CAMK4: variants seen among roughly 807,000 people sequenced by gnomAD.
The protein encoded by CAMK4 is calcium/calmodulin-dependent protein kinase type IV.
CAMK4 carries 22 observed loss-of-function variants against 44.9 expected under a neutral mutation model. That is an observed-to-expected ratio of 0.49 (90% confidence interval 0.35 to 0.70). The LOEUF is 0.70. CAMK4 is among the 30% of genes least tolerant of loss of function. The pLI is 0.01. For missense variants in CAMK4, 498 were observed against 586.8 expected (o/e 0.85, Z 1.56); for synonymous variants, 218 against 215.4 (o/e 1.01, Z -0.11).
chr5:111,249,150 C>T (rs1371147418), intron 1 of CAMK4, among the ~76,000 whole-genome samples: 1 of 152,138 alleles, frequency 6.6e-6, no homozygotes, highest in Non-Finnish European at 1.5e-5. Flanking sequence ...TGTGTGCAAG[C>T]ATGAAAAAGT....
At chr5:111,317,540 C>G (rs1266594166) in intron 1 of CAMK4, among the ~76,000 whole-genome samples, 1 of 152,060 alleles carries the variant, frequency 6.6e-6, no homozygotes, top group East Asian at 1.9e-4. Context: ...GTAACACAAA[C>G]TTCTATTTTT....
chr5:111,237,626 A>G (rs1748787817), intron 1 of CAMK4, among the ~76,000 whole-genome samples: 1 of 152,230 alleles, frequency 6.6e-6, no homozygotes, highest in Non-Finnish European at 1.5e-5. Context: ...CAAGATTTAG[A>G]AGAAAGTATG....
chr5:111,257,620 A>G (rs1308141748), intron 1 of CAMK4, among the ~76,000 whole-genome samples: 1 of 152,212 alleles, frequency 6.6e-6, no homozygotes, highest in Non-Finnish European at 1.5e-5. Flanking sequence ...CAGAAATACC[A>G]TTAGACTCAG....
intron 1 of CAMK4, among the ~76,000 whole-genome samples, chr5:111,244,847 C>G (rs570175992): frequency 6.6e-6 from 1 of 151,760 alleles, no homozygotes; most frequent in Non-Finnish European, 1.5e-5. Flanking sequence ...GGTGACAGAG[C>G]GAGATTCTGT....
At chr5:111,362,429 A>G (rs1000121886) in intron 2 of CAMK4, among the ~76,000 whole-genome samples, 11 of 134,486 alleles carry the variant, frequency 8.2e-5, no homozygotes, top group Non-Finnish European at 1.4e-4. Context: ...AATTTTTATT[A>G]TGTTTTTGTG....
intron 7 of CAMK4, among the ~76,000 whole-genome samples, chr5:111,472,397 A>G (rs1755096429): frequency 1.3e-5 from 2 of 152,196 alleles, no homozygotes; most frequent in Admixed American, 6.5e-5. Flanking sequence ...ACTTGTGTTC[A>G]AAATCAAGAA....
chr5:111,278,249 G>A (rs1039315521), intron 1 of CAMK4, among the ~76,000 whole-genome samples: 3 of 152,186 alleles, frequency 2.0e-5, no homozygotes, highest in Non-Finnish European at 4.4e-5. Context: ...TCACTGCATA[G>A]CCCTGGACAC....
intron 1 of CAMK4, among the ~76,000 whole-genome samples, chr5:111,280,168 C>T (rs1156620151): frequency 6.6e-6 from 1 of 151,898 alleles, no homozygotes; most frequent in Non-Finnish European, 1.5e-5. Flanking sequence ...TAAGAATATT[C>T]CCCAGGCATC....
chr5:111,296,937 G>A (rs767566823), intron 1 of CAMK4, among the ~76,000 whole-genome samples: 6 of 152,164 alleles, frequency 3.9e-5, no homozygotes, highest in Non-Finnish European at 8.8e-5. Context: ...TTTATGCACC[G>A]AAATTGATGT....
chr5:111,313,123 G>T (rs182518241), intron 1 of CAMK4, among the ~76,000 whole-genome samples: 1 of 152,002 alleles, frequency 6.6e-6, no homozygotes, highest in South Asian at 2.1e-4. Context: ...AGCACTGCTC[G>T]CATTTTGGAG....
intron 5 of CAMK4, among the ~76,000 whole-genome samples, chr5:111,442,004 G>A (rs1286245459): frequency 6.6e-6 from 1 of 152,158 alleles, no homozygotes; most frequent in African/African-American, 2.4e-5. Context: ...GATATTAGAA[G>A]TGTGTATTTC....
At chr5:111,368,365 T>C (rs936071224) in intron 2 of CAMK4, among the ~76,000 whole-genome samples, 8 of 152,126 alleles carry the variant, frequency 5.3e-5, no homozygotes, top group Admixed American at 5.2e-4. Flanking sequence ...TGAGTGGTAA[T>C]GTGAGAGCTC....
At chr5:111,445,987 C>T (rs1011282581) in intron 5 of CAMK4, among the ~76,000 whole-genome samples, 14 of 152,290 alleles carry the variant, frequency 9.2e-5, no homozygotes, top group African/African-American at 3.1e-4. Flanking sequence ...AGGACTTCAG[C>T]ATTTACAATG....
In CAMK4 at chr5:111,484,759, G is replaced by A. The variant is rs1304960931; in HGVS notation, c.*293G>A. On this transcript the variant is annotated 3_prime_UTR_variant, in exon 11 of 11. Transcript: ENST00000282356. The surrounding 1 kb of genome is among the most constrained non-coding windows in gnomAD (Gnocchi z 5.3). ...TTTCAGCAACCAGTGGCACATATTT[G>A]AAGTGAATAGTAGCAAATTGTTTTT... 1 of 252,112 alleles carries A rather than the reference G, an allele frequency of 4.0e-6. No homozygotes were observed. Among genetic ancestry groups the A allele is most frequent in the Non-Finnish European group, 7.5e-6 (1 of 134,016 alleles). 15.6% of individuals were successfully genotyped at this position (252,112 alleles called of 1,614,324 possible).
chr5:111,392,129 A>C (rs2112856270), intron 4 of CAMK4, among the ~76,000 whole-genome samples: 1 of 152,278 alleles, frequency 6.6e-6, no homozygotes, highest in East Asian at 1.9e-4. Flanking sequence ...CTAGTGTATT[A>C]GTCTGTTCTC....
At chr5:111,423,360 A>G (rs1025428287) in intron 5 of CAMK4, among the ~76,000 whole-genome samples, 1 of 152,230 alleles carries the variant, frequency 6.6e-6, no homozygotes, top group Non-Finnish European at 1.5e-5. Context: ...GGAAAATCTA[A>G]GTTGAAAACA....
chr5:111,376,987 G>GCCAC (rs1308821063), intron 4 of CAMK4, 45 bp downstream of exon 4: 1 of 1,251,042 alleles, frequency 8.0e-7, no homozygotes, highest in African/African-American at 1.5e-5. Flanking sequence ...TTTGCTTTTG[G>GCCAC]CCACCAAAAA....
At chr5:111,366,136 T>C (rs549681296) in intron 2 of CAMK4, among the ~76,000 whole-genome samples, 2 of 152,310 alleles carry the variant, frequency 1.3e-5, no homozygotes, top group African/African-American at 4.8e-5. Flanking sequence ...TATATTGTGC[T>C]TGTTTCCATA....
intron 1 of CAMK4, among the ~76,000 whole-genome samples, chr5:111,299,120 G>A (rs1473718499): frequency 2.0e-5 from 3 of 152,212 alleles, no homozygotes; most frequent in African/African-American, 7.2e-5. Context: ...CGGCCTAGGA[G>A]GTGGAGTGTA....
Sources: gnomAD v4.1 joint callset for allele counts (sites outside exome capture counted in the v4.1 genomes callset) on GRCh38, gnomAD v4.1.1 for gene constraint, Gnocchi (gnomAD v3.1) non-coding constraint, MANE v1.5 for transcripts, NCBI Gene and HGNC (gene_info 2026-07-23, HGNC 2026-07-21) for gene names.